PTPRC: variants seen among roughly 807,000 people sequenced by gnomAD.
The protein encoded by PTPRC is protein tyrosine phosphatase receptor type C.
Under a neutral mutation model 155.9 loss-of-function variants are expected in PTPRC, and 44 were observed. The observed-to-expected ratio is 0.28, with a 90% CI of 0.22 to 0.36. The LOEUF (loss-of-function observed/expected upper bound fraction) is 0.36, where lower values mean the gene tolerates loss of function less well. Among genes scored for constraint, PTPRC ranks in the 10% least tolerant of loss-of-function variants. The pLI is 1.00. For missense variants in PTPRC, 1,401 were observed against 1,564.6 expected, an observed-to-expected ratio of 0.90 and a Z score of 1.76; for synonymous variants, 525 against 533.1, an observed-to-expected ratio of 0.98 and a Z score of 0.21.
intron 14 of PTPRC, among the ~76,000 whole-genome samples, 155 bp downstream of exon 14, chr1:198,718,457 A>G (rs1483926326): frequency 2.0e-5 from 3 of 152,252 alleles, no homozygotes; most frequent in African/African-American, 7.2e-5. Context: ...ATTTGACTCT[A>G]AAATTTTTAT....
intron 14 of PTPRC, among the ~76,000 whole-genome samples, chr1:198,719,137 G>A (rs928965331): frequency 6.6e-6 from 1 of 151,970 alleles, no homozygotes; most frequent in African/African-American, 2.4e-5. Context: ...GAGGCTTTTT[G>A]GATATGTAAC....
At chr1:198,654,366 G>A (rs1051788143) in intron 2 of PTPRC, among the ~76,000 whole-genome samples, 2 of 151,738 alleles carry the variant, frequency 1.3e-5, no homozygotes, top group Non-Finnish European at 2.9e-5. Flanking sequence ...TTAGCTAGTG[G>A]ATTGAAACAA....
In PTPRC at chr1:198,750,494, C is replaced by T. The variant is rs1655330632; in HGVS notation, c.3075C>T (p.Ser1025=). Residue 1025 remains serine, a splice_region_variant and synonymous_variant, in exon 29 of 33, where the codon AGC becomes AGT. Transcript: ENST00000442510. ...SKYINASFIM[S]YWKPEVMIAA... ...CCACCCTTTTTTTGTCTAAAAAGAGCTACTGGAAACCTGAAGTGATGATTG... is the reference window on the plus strand; with the variant it reads ...CCACCCTTTTTTTGTCTAAAAAGAGTTACTGGAAACCTGAAGTGATGATTG... 6.2e-7 allele frequency: 1 copy of T among 1,612,148 alleles called. No individual in the cohort carries two copies. The highest frequency in any genetic ancestry group is 2.2e-5 in the East Asian group (1 of 44,798).
rs548129027 is a variant in PTPRC at position 198,689,767 on chromosome 1, C to G, written c.74-2580C>G. Among the ~76,000 whole-genome samples the G allele has an allele frequency of 5.9e-5, 9 of 152,288 alleles. No homozygotes were observed. The South Asian group carries it at 8.3e-4, about 14-fold the overall frequency. ...TTATACACAAGACTCTTTGCTACAG[C>G]TATTTCTCTTTCTTCTCCTCCTCTT... is the stretch of plus-strand genomic sequence containing the variant. On this transcript the variant is annotated intron_variant, in intron 2 of 32. Coordinates refer to ENST00000442510, the MANE Select transcript of PTPRC (RefSeq NM_002838.5).
chr1:198,653,774 T>C (rs1663389411), intron 2 of PTPRC, among the ~76,000 whole-genome samples: 1 of 151,892 alleles, frequency 6.6e-6, no homozygotes, highest in African/African-American at 2.4e-5. Context: ...AAAAGGAAAT[T>C]ATGTGCCTTT....
chr1:198,749,407 T>A lies in PTPRC; in HGVS notation c.2939-9T>A. On this transcript the variant is annotated splice_polypyrimidine_tract_variant and intron_variant, in intron 27 of 32. Coordinates refer to ENST00000442510, the MANE Select transcript of PTPRC (RefSeq NM_002838.5). Reference sequence around the variant, plus strand: ...CAAGGAAGACTTACTACTGATTTATTTCACATAGATGACTATAACAGAGTG... The same window carrying A: ...CAAGGAAGACTTACTACTGATTTATATCACATAGATGACTATAACAGAGTG... The A allele has an allele frequency of 6.2e-7, 1 of 1,606,504 alleles. No individual in the cohort carries two copies. The highest frequency in any genetic ancestry group is 1.1e-5 in the South Asian group (1 of 90,908).
At position 198,749,536 on chromosome 1, in the gene PTPRC, C is replaced by A. The variant is rs1655286650; in HGVS notation, c.3059C>A (p.Ala1020Glu). ...DSEEPSKYINASFIMSYWKPE... is the reference protein window; with the variant it reads ...DSEEPSKYINESFIMSYWKPE... ...GAGGAACCAAGCAAATACATCAATGCATCTTTTATAATGGTAGGTACTTAA... is the reference window on the plus strand; with the variant it reads ...GAGGAACCAAGCAAATACATCAATGAATCTTTTATAATGGTAGGTACTTAA... Residue 1020 changes from alanine to glutamate, a missense_variant, in exon 28 of 33, where the codon GCA becomes GAA. By Grantham distance (107) the Ala-to-Glu change is moderately radical. Around this residue, in one of 3 missense-constraint regions of PTPRC, gnomAD observed 400 missense variants for 389.5 expected, o/e 1.03. Transcript: ENST00000442510. 6.2e-7 allele frequency: 1 copy of A among 1,610,568 alleles called. No homozygotes were observed. Among genetic ancestry groups the A allele is most frequent in the Non-Finnish European group, 8.5e-7 (1 of 1,177,898 alleles).
At chr1:198,754,752 C>T (rs527723100) in intron 32 of PTPRC, among the ~76,000 whole-genome samples, 1 of 152,160 alleles carries the variant, frequency 6.6e-6, no homozygotes, top group African/African-American at 2.4e-5. Context: ...GGAGCCTAAA[C>T]AAATAACATT....
At chr1:198,739,623 A>G (rs1160691250) in intron 23 of PTPRC, among the ~76,000 whole-genome samples, 1 of 151,958 alleles carries the variant, frequency 6.6e-6, no homozygotes, top group Admixed American at 6.6e-5. Context: ...CTCCAATACA[A>G]TAATAGTTGG....
intron 2 of PTPRC, among the ~76,000 whole-genome samples, chr1:198,674,675 T>A (rs1206640620): frequency 6.6e-6 from 1 of 151,760 alleles, no homozygotes; most frequent in African/African-American, 2.4e-5. Flanking sequence ...AGAAAATGAA[T>A]CTATGCTATG....
In PTPRC at chr1:198,752,293, A is replaced by T; in HGVS notation, c.3252A>T (p.Gly1084=). 1 of 1,611,662 alleles carries T rather than the reference A, an allele frequency of 6.2e-7. No homozygotes were observed. Among genetic ancestry groups the T allele is most frequent in the Non-Finnish European group, 8.5e-7 (1 of 1,178,206 alleles). Residue 1084 remains glycine, a synonymous_variant, in exon 30 of 33, where the codon GGA becomes GGT. Coordinates refer to ENST00000442510, the MANE Select transcript of PTPRC (RefSeq NM_002838.5). Reference sequence around the variant, plus strand: ...GGGGAGAAGGAAAGCAAACATATGGAGATATTGAAGTTGACCTGAAAGACA... The same window carrying T: ...GGGGAGAAGGAAAGCAAACATATGGTGATATTGAAGTTGACCTGAAAGACA... The part of the protein sequence containing the change: ...QYWGEGKQTY[G]DIEVDLKDTD...
At chr1:198,727,048 A>T (rs1654171317) in intron 15 of PTPRC, among the ~76,000 whole-genome samples, 1 of 151,804 alleles carries the variant, frequency 6.6e-6, no homozygotes, top group Non-Finnish European at 1.5e-5. Flanking sequence ...TTTAGTAGAG[A>T]TGAGGTTTCA....
At chr1:198,680,665 G>C (rs1252620976) in intron 2 of PTPRC, among the ~76,000 whole-genome samples, 2 of 151,860 alleles carry the variant, frequency 1.3e-5, no homozygotes, top group South Asian at 2.1e-4. Flanking sequence ...GATGGAGGAA[G>C]TTGTCAGTTT....
intron 2 of PTPRC, among the ~76,000 whole-genome samples, chr1:198,687,304 T>C (rs987138579): frequency 6.6e-6 from 1 of 152,100 alleles, no homozygotes; most frequent in Non-Finnish European, 1.5e-5. Flanking sequence ...TCTCATCAGG[T>C]CTTTTTTTTC....
At chr1:198,644,222 T>C (rs1290988750) in intron 2 of PTPRC, among the ~76,000 whole-genome samples, 2 of 152,062 alleles carry the variant, frequency 1.3e-5, no homozygotes, top group Admixed American at 1.3e-4. Flanking sequence ...AATTAATTTC[T>C]GTCTAGTCTA....
In PTPRC at chr1:198,703,353, C is replaced by T; in HGVS notation, c.639C>T (p.Val213=). The change falls in exon 7 of 33, where the codon GTC becomes GTT. Residue 213 remains valine (V), a synonymous_variant. Coordinates refer to ENST00000442510, the MANE Select transcript of PTPRC (RefSeq NM_002838.5). ...CTCTGAGCCCTTCTGGAAGCGCTGT[C>T]ATTTCAACCACAACAATAGGTGATA... ...TTTLSPSGSA[V]ISTTTIATTP... is the part of the protein sequence containing the mutation. 2 of 1,613,136 alleles carry T rather than the reference C, an allele frequency of 1.2e-6. No homozygotes were observed. Among genetic ancestry groups the T allele is most frequent in the South Asian group, 2.2e-5 (2 of 91,088 alleles).
intron 26 of PTPRC, among the ~76,000 whole-genome samples, chr1:198,746,759 C>T (rs1384552524): frequency 2.0e-5 from 3 of 151,774 alleles, no homozygotes; most frequent in Non-Finnish European, 4.4e-5. Context: ...CACCTATAAT[C>T]CTGAGTATTG....
At chr1:198,712,667 C>A in intron 11 of PTPRC, 1 of 309,706 alleles carries the variant, frequency 3.2e-6, no homozygotes, top group East Asian at 6.9e-5. Flanking sequence ...AGTATCTGGG[C>A]AAGAATATAT....
intron 29 of PTPRC, 47 bp from the exon 30 acceptor site, chr1:198,752,202 A>G (rs780372683): frequency 3.2e-6 from 5 of 1,579,136 alleles, no homozygotes; most frequent in African/African-American, 1.4e-5. Flanking sequence ...GATCCTTTGC[A>G]TATTTCAAAT....
Sources: gnomAD v4.1 joint callset for allele counts (sites outside exome capture counted in the v4.1 genomes callset) on GRCh38, gnomAD v4.1.1 for gene constraint, gnomAD v4.1.1 regional missense constraint, MANE v1.5 for transcripts, NCBI Gene and HGNC (gene_info 2026-07-23, HGNC 2026-07-21) for gene names.